Variants in RYR1 observed in about 807,000 individuals in gnomAD.
RYR1 encodes ryanodine receptor 1.
In RYR1, 342 loss-of-function variants were observed where a neutral mutation model predicts 583.5. That is an observed-to-expected ratio of 0.59 (90% confidence interval 0.54 to 0.64). RYR1 has a LOEUF of 0.64. Among genes scored for constraint, RYR1 ranks in the 30% least tolerant of loss-of-function variants. The probability of loss-of-function intolerance (pLI) is 0.00; values close to 1 mark genes in which losing one functional copy is unlikely to be tolerated. For synonymous variants in RYR1, 2,791 were observed against 2,822.5 expected, an observed-to-expected ratio of 0.99 and a Z score of 0.35; for missense variants, 6,032 against 6,917.2, an observed-to-expected ratio of 0.87 and a Z score of 4.54.
chr19:38,504,679 A>T, intron 50 of RYR1, 69 bp from the exon 51 acceptor site: 7 of 1,593,558 alleles, frequency 4.4e-6, no homozygotes, highest in Non-Finnish European at 5.2e-6. Context: ...GCAGTGTGTG[A>T]GTTTGAGGTC....
intron 57 of RYR1, among the ~76,000 whole-genome samples, chr19:38,507,343 G>A (rs1208258666): frequency 7.2e-6 from 1 of 138,216 alleles, no homozygotes; most frequent in African/African-American, 2.7e-5. Context: ...GGAAGAGGCT[G>A]AGAGGGGCGG....
rs57729391 is a variant in RYR1, at chr19:38,436,504, C to T, written c.45+2630C>T. On this transcript the variant is annotated intron_variant, in intron 1 of 105. Transcript: ENST00000359596. ...GATTACAGGCATAAGCCACCATGCC[C>T]GGCCTTTCTTCTTTCACTCAGCATA... 1.4e-3 allele frequency among the ~76,000 whole-genome samples: 208 copies of T among 152,290 alleles called. 1 individual carries two copies. The highest frequency in any genetic ancestry group is 4.6e-3 in the African/African-American group (191 of 41,528).
rs1970532936 is a variant in RYR1 at position 38,507,642 on chromosome 19, G to A, written c.8817-70G>A. ...AGACGGGGCCAGCAGGAGCAGAGGC[G>A]GACCTGAGAAGGGTGGGAAACTGTA... On this transcript the variant is annotated intron_variant, in intron 57 of 105. Transcript: ENST00000359596. The A allele has an allele frequency of 1.5e-5, 15 of 992,196 alleles. No homozygotes were observed. In the South Asian group the frequency reaches 1.5e-4, roughly 10 times the overall value. The allele number at this position is 992,196 out of a possible 1,614,324, so 61.5% of individuals were successfully genotyped here. A position where few individuals can be genotyped will look rare whatever the true frequency, so the allele number is the denominator to read the frequency against.
At position 38,490,185 on chromosome 19, in the gene RYR1, GC is replaced by G; in HGVS notation, c.5926del (p.Arg1976AlafsTer6). The G allele has an allele frequency of 1.9e-6, 3 of 1,614,226 alleles. No individual in the cohort carries two copies. The highest frequency in any genetic ancestry group is 2.5e-6 in the Non-Finnish European group (3 of 1,180,040). On this transcript the variant is annotated frameshift_variant, in exon 36 of 106. Transcript: ENST00000359596. LOFTEE classifies it high-confidence loss of function. ...GACAAGCTCCAGGCCAACCAGCGGA[GC>G]CGCTATGGCCTCCTCATAAAAGCCT... is the stretch of plus-strand genomic sequence containing the variant. Reference protein sequence around the residue: ...YVDKLQANQRSRYGLLIKAFS... With the variant: ...YVDKLQANQRXRYGLLIKAFS...
At chr19:38,511,758 A>T (rs1317800798) in intron 61 of RYR1, 148 bp downstream of exon 61, 4 of 1,024,662 alleles carry the variant, frequency 3.9e-6, no homozygotes, top group Non-Finnish European at 6.0e-6. Context: ...TCCGGGGGGT[A>T]GGGCAGTGAC....
chr19:38,568,652 T>C (rs1424727757), intron 93 of RYR1, among the ~76,000 whole-genome samples: 6 of 149,846 alleles, frequency 4.0e-5, no homozygotes, highest in African/African-American at 1.2e-4. Flanking sequence ...CTCAGGATGC[T>C]GAGGCATGAG....
Position 38,519,477 on chromosome 19 carries a change from C to A in RYR1, c.10259+23C>A, listed in dbSNP as rs373536237. 2.7e-5 allele frequency: 42 copies of A among 1,578,306 alleles called. No individual in the cohort carries two copies. The African/African-American group carries it at 4.9e-4, about 18-fold the overall frequency. On this transcript the variant is annotated intron_variant, in intron 67 of 105. Coordinates refer to ENST00000359596, the MANE Select transcript of RYR1 (RefSeq NM_000540.3). Reference sequence around the variant, plus strand: ...CAGGTCAGCGGGGCCCCGCTGTCCCCATGCCCTCCGCCCCGACCTCCCACG... The same window carrying A: ...CAGGTCAGCGGGGCCCCGCTGTCCCAATGCCCTCCGCCCCGACCTCCCACG...
In RYR1 at chr19:38,499,498, G is replaced by T; in HGVS notation, c.7028-137G>T. ...TGGGTCCTGGGGCTGGCAGGGGCCT[G>T]GTGTTACCTCTGGAGGTGTTGGGTC... On this transcript the variant is annotated intron_variant, in intron 43 of 105. Transcript: ENST00000359596. The surrounding 1 kb of genome is among the most constrained non-coding windows in gnomAD (Gnocchi z 7.3). 1 of 1,080,520 alleles carries T rather than the reference G, an allele frequency of 9.3e-7. No individual in the cohort carries two copies. The highest frequency in any genetic ancestry group is 1.3e-6 in the Non-Finnish European group (1 of 741,684). 66.9% of individuals were successfully genotyped at this position (1,080,520 alleles called of 1,614,324 possible).
At position 38,580,103 on chromosome 19, in the gene RYR1, C is replaced by T. The variant is rs1268840179; in HGVS notation, c.14486C>T (p.Ser4829Phe). ...MGVKTLRTILSSVTHNGKQLV... is the reference protein window; with the variant it reads ...MGVKTLRTILFSVTHNGKQLV... ...GTCAAGACGCTGCGCACCATCCTGT[C>T]CTCTGTCACCCACAATGGGAAACAG... Residue 4829 changes from serine (S) to phenylalanine (F), a missense_variant, in exon 100 of 106, where the codon TCC (serine) becomes TTC (phenylalanine). Ser to Phe is a radical substitution (Grantham distance 155). Transcript: ENST00000359596. The T allele has an allele frequency of 1.2e-6, 2 of 1,614,206 alleles. No homozygotes were observed. Among genetic ancestry groups the T allele is most frequent in the Non-Finnish European group, 1.7e-6 (2 of 1,180,048 alleles).
chr19:38,570,818 AG>A, intron 94 of RYR1, 125 bp downstream of exon 94: 1 of 830,182 alleles, frequency 1.2e-6, no homozygotes, highest in Non-Finnish European at 2.0e-6. Flanking sequence ...TTGGGTCGTT[AG>A]GAGGGTTCAG....
At position 38,517,480 on chromosome 19, in the gene RYR1, C is replaced by T; in HGVS notation, c.9807C>T (p.Val3269=). 6.2e-7 allele frequency: 1 copy of T among 1,614,106 alleles called. No homozygotes were observed. The highest frequency in any genetic ancestry group is 1.7e-5 in the Admixed American group (1 of 60,018). The change falls in exon 66 of 106, where the codon GTC becomes GTT. Residue 3269 remains valine, a synonymous_variant. Coordinates refer to ENST00000359596, the MANE Select transcript of RYR1 (RefSeq NM_000540.3). ...SGARYTEMPH[V]IEITLPMLCS... ...CCCGCTACACAGAGATGCCGCATGT[C>T]ATCGAGATCACGCTGCCCATGCTAT...
At chr19:38,515,520 G>C (rs191395924) in intron 64 of RYR1, among the ~76,000 whole-genome samples, 153 of 152,300 alleles carry the variant, frequency 1.0e-3, no homozygotes, top group African/African-American at 3.5e-3. Flanking sequence ...TGACACCAGC[G>C]GTGCGCGGTG....
chr19:38,543,444 G>C lies in RYR1; in HGVS notation c.11778+9G>C, dbSNP rs371213685. The C allele has an allele frequency of 3.1e-6, 5 of 1,614,116 alleles. No individual in the cohort carries two copies. The African/African-American group carries it at 6.7e-5, about 22-fold the overall frequency. On this transcript the variant is annotated intron_variant, in intron 85 of 105. Transcript: ENST00000359596. The surrounding 1 kb of genome is among the most constrained non-coding windows in gnomAD (Gnocchi z 4.4). ...ACCTCCTGCGGCTGCAGGTGAGGACGTGAGACGGTTCAGGTGTGACTTGGG... is the reference window on the plus strand; with the variant it reads ...ACCTCCTGCGGCTGCAGGTGAGGACCTGAGACGGTTCAGGTGTGACTTGGG...
At chr19:38,507,069 A>ACC (rs201625810) in intron 57 of RYR1, 117 bp downstream of exon 57, 3 of 1,514,842 alleles carry the variant, frequency 2.0e-6, no homozygotes, top group Admixed American at 3.7e-5. Flanking sequence ...AGGAGCAAAG[A>ACC]TGGAACCAGA....
chr19:38,496,662 G>A lies in RYR1; in HGVS notation c.6796+121G>A. The A allele has an allele frequency of 7.4e-7, 1 of 1,352,048 alleles. No homozygotes were observed. The highest frequency in any genetic ancestry group is 1.9e-4 in the Middle Eastern group (1 of 5,296). 83.8% of individuals were successfully genotyped at this position (1,352,048 alleles called of 1,614,324 possible). ...AACACTCCCTCTCAACTGTGGTTCTGGCCCTGTAATGAGTAATGCTGGGGA... is the reference window on the plus strand; with the variant it reads ...AACACTCCCTCTCAACTGTGGTTCTAGCCCTGTAATGAGTAATGCTGGGGA... On this transcript the variant is annotated intron_variant, in intron 41 of 105. Coordinates refer to ENST00000359596, the MANE Select transcript of RYR1 (RefSeq NM_000540.3). This position sits in a 1 kb window ranked among gnomAD's most constrained non-coding sequence, Gnocchi z 4.8.
At chr19:38,520,875 C>A (rs1374418958) in intron 67 of RYR1, among the ~76,000 whole-genome samples, 1 of 152,024 alleles carries the variant, frequency 6.6e-6, no homozygotes, top group Non-Finnish European at 1.5e-5. Context: ...TGTTTCTATG[C>A]ACAATGTGAT....
Position 38,466,335 on chromosome 19 carries a change from T to C in RYR1, c.3115T>C (p.Cys1039Arg). The change falls in exon 24 of 106, where the codon TGC (cysteine) becomes CGC (arginine). Residue 1039 changes from cysteine to arginine, a missense_variant. Cys to Arg is a radical substitution (Grantham distance 180, BLOSUM62 -3). Transcript: ENST00000359596. ...CAAGCGCAGCAACCGGGACAGCCTC[T>C]GCCAGGCCGTGCGCACCCTCCTGGG... is the stretch of plus-strand genomic sequence containing the variant. ...ATKRSNRDSLCQAVRTLLGYG... is the reference protein window; with the variant it reads ...ATKRSNRDSLRQAVRTLLGYG... The C allele has an allele frequency of 6.3e-7, 1 of 1,598,172 alleles. No homozygotes were observed. Among genetic ancestry groups the C allele is most frequent in the Non-Finnish European group, 8.5e-7 (1 of 1,173,892 alleles).
At chr19:38,584,906 C>T (rs757804119) in intron 101 of RYR1, 37 bp from the exon 102 acceptor site, 10 of 1,612,416 alleles carry the variant, frequency 6.2e-6, no homozygotes, top group East Asian at 4.5e-5. Context: ...CAGTGAATGT[C>T]GAATGAATGA....
At chr19:38,536,580 C>T (rs1274566173) in intron 82 of RYR1, among the ~76,000 whole-genome samples, 170 bp from the exon 83 acceptor site, 3 of 151,518 alleles carry the variant, frequency 2.0e-5, no homozygotes, top group South Asian at 2.1e-4. Context: ...TAATCCATTT[C>T]CTTCTGTCTC....
Sources: allele counts gnomAD v4.1 joint callset (sites outside exome capture counted in the v4.1 genomes callset), GRCh38; gene constraint gnomAD v4.1.1; non-coding constraint Gnocchi (gnomAD v3.1); transcripts MANE v1.5; gene names NCBI Gene and HGNC (gene_info 2026-07-23, HGNC 2026-07-21).